Variants in IQCM observed in about 807,000 individuals in gnomAD.
IQCM encodes the protein IQ motif containing M, also known as IQ domain-containing protein M.
Under a neutral mutation model 57.6 loss-of-function variants are expected in IQCM, and 45 were observed. The observed-to-expected ratio is 0.78, with a 90% CI of 0.62 to 1.00. The LOEUF (loss-of-function observed/expected upper bound fraction) is 1.00. Ranked by LOEUF, IQCM falls within the 50% of genes least tolerant of loss-of-function variation. IQCM has a pLI of 0.00. For missense variants in IQCM, 468 were observed against 511.6 expected (o/e 0.91, Z 0.82); for synonymous variants, 148 against 158.9 (o/e 0.93, Z 0.51).
chr4:149,780,035 T>C (rs948092024), intron 2 of IQCM, among the ~76,000 whole-genome samples: 2 of 152,268 alleles, frequency 1.3e-5, no homozygotes, highest in African/African-American at 4.8e-5. Context: ...TTACTGAATG[T>C]ATCCAAAATA....
At chr4:149,428,009 T>C (rs1302951100) in intron 13 of IQCM, among the ~76,000 whole-genome samples, 1 of 151,894 alleles carries the variant, frequency 6.6e-6, no homozygotes. Context: ...GCATTTAAAC[T>C]TATCCAAATT....
chr4:149,670,422 A>G (rs1210312599), intron 7 of IQCM, among the ~76,000 whole-genome samples: 1 of 152,180 alleles, frequency 6.6e-6, no homozygotes, highest in Non-Finnish European at 1.5e-5. Context: ...GTCATCTGCA[A>G]ACAGGGACAA....
intron 7 of IQCM, among the ~76,000 whole-genome samples, chr4:149,668,019 G>T (rs1256130476): frequency 6.6e-6 from 1 of 152,106 alleles, no homozygotes; most frequent in Admixed American, 6.5e-5. Context: ...TATTATCCAG[G>T]AGAACTTCCC....
chr4:149,496,947 A>G (rs1030863578), intron 12 of IQCM, among the ~76,000 whole-genome samples: 3 of 152,188 alleles, frequency 2.0e-5, no homozygotes, highest in Non-Finnish European at 4.4e-5. Context: ...AATGCTGTCT[A>G]TTGGAGGGCA....
At chr4:149,727,559 A>G (rs1422864250) in intron 5 of IQCM, among the ~76,000 whole-genome samples, 2 of 152,212 alleles carry the variant, frequency 1.3e-5, no homozygotes, top group East Asian at 3.8e-4. Flanking sequence ...TGAGTTGACC[A>G]TCATTATAAG....
rs181717358 is a variant in IQCM at position 149,442,895 on chromosome 4, T to C, written c.1229-9338A>G. 1.9e-3 allele frequency among the ~76,000 whole-genome samples: 293 copies of C among 150,984 alleles called. 3 individuals are homozygous for C. The highest frequency in any genetic ancestry group is 6.8e-3 in the African/African-American group (281 of 41,138). The stretch of plus-strand genomic sequence containing the variant: ...TATATTAGTCAGTGTTCAACTGATA[T>C]AGAGGAAGAACTAGCAGGCTATCTC... On this transcript the variant is annotated intron_variant, in intron 12 of 13. Coordinates refer to ENST00000636793, the MANE Select transcript of IQCM (RefSeq NM_001363507.2).
intron 12 of IQCM, among the ~76,000 whole-genome samples, chr4:149,472,572 A>G (rs1007902002): frequency 3.9e-5 from 6 of 152,216 alleles, no homozygotes; most frequent in African/African-American, 1.4e-4. Flanking sequence ...ATTCAATACC[A>G]TCTCCATCAA....
At chr4:149,551,819 A>G (rs1451996059) in intron 11 of IQCM, among the ~76,000 whole-genome samples, 8 of 152,110 alleles carry the variant, frequency 5.3e-5, no homozygotes, top group Non-Finnish European at 8.8e-5. Context: ...TCTCGGTTCT[A>G]TAAGTAAAAG....
At chr4:149,775,725 C>G (rs1417821966) in intron 2 of IQCM, among the ~76,000 whole-genome samples, 1 of 152,216 alleles carries the variant, frequency 6.6e-6, no homozygotes, top group Non-Finnish European at 1.5e-5. Context: ...TCCACACAAC[C>G]TATTTAAGTT....
At chr4:149,624,796 T>C (rs1756654909) in intron 7 of IQCM, among the ~76,000 whole-genome samples, 1 of 152,220 alleles carries the variant, frequency 6.6e-6, no homozygotes, top group African/African-American at 2.4e-5. Flanking sequence ...CCAAATGCTC[T>C]TAAGAAATAG....
intron 4 of IQCM, among the ~76,000 whole-genome samples, chr4:149,734,753 C>G (rs545607590): frequency 2.0e-5 from 3 of 152,072 alleles, no homozygotes; most frequent in Non-Finnish European, 2.9e-5. Flanking sequence ...ATGCTCTCCT[C>G]CAAAATGTCA....
At position 149,713,916 on chromosome 4, in the gene IQCM, A is replaced by G. The variant is rs562524312; in HGVS notation, c.385+19328T>C. ...ATAAAAATATATTGACATTTCTCCC[A>G]TCTTAAATAAGGGGAAAAAAGAAGT... is the stretch of plus-strand genomic sequence containing the variant. On this transcript the variant is annotated intron_variant, in intron 5 of 13. Transcript: ENST00000636793. Among the ~76,000 whole-genome samples the G allele has an allele frequency of 3.6e-4, 55 of 152,118 alleles. No homozygotes were observed. The South Asian group carries it at 6.9e-3, about 19-fold the overall frequency.
intron 7 of IQCM, among the ~76,000 whole-genome samples, chr4:149,641,007 G>A (rs938952354): frequency 2.0e-5 from 3 of 152,144 alleles, no homozygotes; most frequent in African/African-American, 7.2e-5. Context: ...TTGCACACCT[G>A]TAGTCCCAGA....
intron 5 of IQCM, among the ~76,000 whole-genome samples, chr4:149,702,498 T>G (rs1356399283): frequency 6.6e-6 from 1 of 151,902 alleles, no homozygotes; most frequent in African/African-American, 2.4e-5. Flanking sequence ...AAGAAACACC[T>G]GACATAAATT....
intron 13 of IQCM, among the ~76,000 whole-genome samples, chr4:149,396,282 A>C (rs1285672401): frequency 1.3e-5 from 2 of 151,766 alleles, no homozygotes; most frequent in African/African-American, 2.4e-5. Flanking sequence ...TTTTTAGCTT[A>C]TCTCTCCATT....
chr4:149,720,163 C>T (rs1026238290), intron 5 of IQCM, among the ~76,000 whole-genome samples: 5 of 152,192 alleles, frequency 3.3e-5, no homozygotes, highest in African/African-American at 1.2e-4. Context: ...AAAACATGTG[C>T]TTAATCAGAA....
chr4:149,750,416 T>C (rs1181688002), intron 2 of IQCM, among the ~76,000 whole-genome samples: 4 of 152,238 alleles, frequency 2.6e-5, no homozygotes, highest in African/African-American at 7.2e-5. Context: ...CTATGTCTTA[T>C]TGTAAATTTT....
intron 12 of IQCM, among the ~76,000 whole-genome samples, chr4:149,508,532 G>A (rs1375391135): frequency 6.6e-6 from 1 of 152,140 alleles, no homozygotes; most frequent in Non-Finnish European, 1.5e-5. Context: ...GACTTGCATG[G>A]GGCCTGTAGC....
intron 7 of IQCM, among the ~76,000 whole-genome samples, chr4:149,677,420 C>T (rs1344044038): frequency 6.6e-6 from 1 of 152,054 alleles, no homozygotes; most frequent in East Asian, 1.9e-4. Context: ...GGAAGAGTAG[C>T]ACTCCAAACA....
Sources: allele counts gnomAD v4.1 joint callset (sites outside exome capture counted in the v4.1 genomes callset), GRCh38; gene constraint gnomAD v4.1.1; transcripts MANE v1.5; gene names NCBI Gene and HGNC (gene_info 2026-07-23, HGNC 2026-07-21).